Variants in ARHGAP22 observed in about 807,000 individuals in gnomAD.
ARHGAP22 encodes the protein rho GTPase-activating protein 22.
A neutral mutation model predicts 59.1 loss-of-function variants in ARHGAP22; 48 were observed. The ratio of observed to expected loss-of-function variants is 0.81; its 90% confidence interval spans 0.64 to 1.03. The LOEUF (loss-of-function observed/expected upper bound fraction) is 1.03, where lower values mean the gene tolerates loss of function less well. ARHGAP22 is among the 50% of genes least tolerant of loss of function. The probability of loss-of-function intolerance (pLI) is 0.00; values close to 1 mark genes in which losing one functional copy is unlikely to be tolerated. For missense variants in ARHGAP22, 1,015 were observed against 958.7 expected (o/e 1.06, Z -0.78); for synonymous variants, 445 against 416.4 (o/e 1.07, Z -0.84).
chr10:48,631,079 C>T (rs1355296862), intron 1 of ARHGAP22, among the ~76,000 whole-genome samples: 1 of 152,180 alleles, frequency 6.6e-6, no homozygotes. Context: ...TGGGTTACCA[C>T]ATTGTTTATC....
chr10:48,436,802 G>T, the ARHGAP22 span: 4 of 152,110 alleles, frequency 2.6e-5, no homozygotes, highest in African/African-American at 9.7e-5. Flanking sequence ...CTTTTTATCA[G>T]TCCCTTTTCT....
At chr10:48,644,788 C>G (rs940942727) in intron 1 of ARHGAP22, among the ~76,000 whole-genome samples, 1 of 152,066 alleles carries the variant, frequency 6.6e-6, no homozygotes, top group Non-Finnish European at 1.5e-5. Flanking sequence ...ATAGGGAAAT[C>G]TATAGCTTTA....
At chr10:48,609,844 A>G (rs1281845078), upstream of ARHGAP22, among the ~76,000 whole-genome samples, 1 of 152,188 alleles carries the variant, frequency 6.6e-6, no homozygotes, top group Non-Finnish European at 1.5e-5. Flanking sequence ...CATAATTTAA[A>G]TATCATCTAT....
intron 3 of ARHGAP22, among the ~76,000 whole-genome samples, chr10:48,487,287 C>G (rs923583614): frequency 6.6e-6 from 1 of 152,000 alleles, no homozygotes; most frequent in Non-Finnish European, 1.5e-5. Flanking sequence ...GAATAACAGC[C>G]CCCCAAAGAC....
intron 1 of ARHGAP22, among the ~76,000 whole-genome samples, chr10:48,627,754 T>G (rs1015684782): frequency 6.6e-6 from 1 of 152,214 alleles, no homozygotes; most frequent in Non-Finnish European, 1.5e-5. Context: ...ATGTGAGGCA[T>G]GCATTCTCAG....
downstream of ARHGAP22, among the ~76,000 whole-genome samples, chr10:48,442,749 C>T (rs2045232583): frequency 6.6e-6 from 1 of 152,208 alleles, no homozygotes; most frequent in South Asian, 2.1e-4. Flanking sequence ...CAAAAGCTCA[C>T]TGAAAGAAGG....
intron 3 of ARHGAP22, among the ~76,000 whole-genome samples, chr10:48,541,405 A>C (rs375981997): frequency 6.6e-6 from 1 of 152,168 alleles, no homozygotes; most frequent in Non-Finnish European, 1.5e-5. Context: ...CCGGTGCGCT[A>C]TCACCATCTG....
chr10:48,589,988 C>T (rs3843001), intron 1 of ARHGAP22, among the ~76,000 whole-genome samples: 99,860 of 151,820 alleles, frequency 0.66, 33,261 homozygotes, highest in East Asian at 0.99. Context: ...CTGCACCCCA[C>T]GGGCATGTAC....
chr10:48,510,432 AC>A (rs2052639266), intron 3 of ARHGAP22: 1 of 152,284 alleles, frequency 6.6e-6, no homozygotes, highest in South Asian at 2.1e-4. Context: ...TCTTGAGACA[AC>A]AGAGGAAAGA....
At chr10:48,511,936 A>T (rs1445154) in intron 3 of ARHGAP22, among the ~76,000 whole-genome samples, 28,614 of 152,030 alleles carry the variant, frequency 0.19, 2,893 homozygotes, top group Non-Finnish European at 0.24. Flanking sequence ...CACCTCCCCC[A>T]ATTAGCCCCC....
intron 3 of ARHGAP22, among the ~76,000 whole-genome samples, chr10:48,508,284 G>GC (rs2134481487): frequency 6.6e-6 from 1 of 152,356 alleles, no homozygotes; most frequent in South Asian, 2.1e-4. Flanking sequence ...TGCTCAGGTA[G>GC]CGGCCATGTG....
chr10:48,649,194 C>T (rs548959580), intron 1 of ARHGAP22, among the ~76,000 whole-genome samples: 2 of 152,334 alleles, frequency 1.3e-5, no homozygotes, highest in South Asian at 4.1e-4. Context: ...TTACCCCATT[C>T]CAACTGCTTC....
At chr10:48,559,816 A>G (rs1210151931) in intron 2 of ARHGAP22, among the ~76,000 whole-genome samples, 1 of 152,244 alleles carries the variant, frequency 6.6e-6, no homozygotes, top group Non-Finnish European at 1.5e-5. Flanking sequence ...CAAGTAATCA[A>G]TATAAAATTA....
intron 1 of ARHGAP22, among the ~76,000 whole-genome samples, chr10:48,604,243 C>A (rs2135917960): frequency 6.6e-6 from 1 of 152,310 alleles, no homozygotes; most frequent in South Asian, 2.1e-4. Context: ...CCAGACCCTG[C>A]AGCTTTCTGA....
intron 1 of ARHGAP22, among the ~76,000 whole-genome samples, chr10:48,632,974 G>T (rs2061678825): frequency 6.6e-6 from 1 of 152,190 alleles, no homozygotes; most frequent in South Asian, 2.1e-4. Context: ...ACCCCTGGAA[G>T]ATCCTGAGTC....
chr10:48,605,864 A>T (rs369145398), upstream of ARHGAP22, among the ~76,000 whole-genome samples: 16 of 152,250 alleles, frequency 1.1e-4, no homozygotes, highest in East Asian at 2.7e-3. Flanking sequence ...ACCTGCCCAA[A>T]GTCATACAGT....
intron 3 of ARHGAP22, 97 bp from the exon 4 acceptor site, chr10:48,479,861 C>T: frequency 3.2e-6 from 4 of 1,244,638 alleles, no homozygotes; most frequent in Non-Finnish European, 4.3e-6. Flanking sequence ...TGGGATATTC[C>T]CAAAGTCCTT....
chr10:48,594,565 C>G (rs907890700), intron 1 of ARHGAP22, among the ~76,000 whole-genome samples: 2 of 152,172 alleles, frequency 1.3e-5, no homozygotes, highest in South Asian at 2.1e-4. Flanking sequence ...CTCCCCACCC[C>G]CAAATGTGCT....
chr10:48,534,772 C>G (rs530231935), intron 3 of ARHGAP22, among the ~76,000 whole-genome samples: 15 of 152,356 alleles, frequency 9.8e-5, no homozygotes, highest in Admixed American at 5.2e-4. Flanking sequence ...AGAATTAGAA[C>G]TGAGGTGTCT....
Sources: gnomAD v4.1 joint callset for allele counts (sites outside exome capture counted in the v4.1 genomes callset) on GRCh38, gnomAD v4.1.1 for gene constraint, MANE v1.5 for transcripts, NCBI Gene and HGNC (gene_info 2026-07-23, HGNC 2026-07-21) for gene names.